The following BRMS1L variants were observed in gnomAD, a reference collection of about 807,000 sequenced individuals.
The protein encoded by BRMS1L is breast cancer metastasis-suppressor 1-like protein.
Under a neutral mutation model 50.3 loss-of-function variants are expected in BRMS1L, and 23 were observed. The ratio of observed to expected loss-of-function variants is 0.46; its 90% CI spans 0.33 to 0.65. The LOEUF is 0.65. Among genes scored for constraint, BRMS1L ranks in the 30% least tolerant of loss-of-function variants. BRMS1L has a pLI of 0.02. For missense variants in BRMS1L, 286 were observed against 386.1 expected (o/e 0.74, Z 2.17); for synonymous variants, 114 against 126.9 (o/e 0.90, Z 0.69).
chr14:35,864,884 A>G (rs2078401379), intron 6 of BRMS1L, 51 bp from the exon 7 acceptor site: 8 of 1,233,366 alleles, frequency 6.5e-6, no homozygotes, highest in Non-Finnish European at 9.3e-6. Context: ...CTTTGGAAAT[A>G]TAATTCAAAG....
chr14:35,842,271 T>C (rs1432360548), intron 4 of BRMS1L, among the ~76,000 whole-genome samples: 3 of 152,162 alleles, frequency 2.0e-5, no homozygotes, highest in Non-Finnish European at 4.4e-5. Context: ...CTTCATAGCG[T>C]TGATGGTCTT....
At chr14:35,865,639 G>A in intron 7 of BRMS1L, 83 bp from the exon 8 acceptor site, 1 of 1,024,494 alleles carries the variant, frequency 9.8e-7, no homozygotes, top group African/African-American at 1.6e-5. Context: ...CGGTAATATT[G>A]TATATATTAA....
At chr14:35,847,913 A>G (rs1445091952) in intron 4 of BRMS1L, among the ~76,000 whole-genome samples, 1 of 152,196 alleles carries the variant, frequency 6.6e-6, no homozygotes, top group Admixed American at 6.5e-5. Context: ...ATAATATTCT[A>G]TTGTATGTAT....
At chr14:35,855,011 C>T (rs1371132391) in intron 4 of BRMS1L, among the ~76,000 whole-genome samples, 1 of 152,248 alleles carries the variant, frequency 6.6e-6, no homozygotes, top group East Asian at 1.9e-4. Context: ...AGACATATTT[C>T]CCTCAGGTGG....
chr14:35,865,785 G>T, intron 8 of BRMS1L, 24 bp downstream of exon 8: 1 of 1,596,446 alleles, frequency 6.3e-7, no homozygotes, highest in Non-Finnish European at 8.5e-7. Context: ...TCTGAGTTGG[G>T]AAATATTCTC....
At chr14:35,863,067 C>T (rs920164564) in intron 5 of BRMS1L, among the ~76,000 whole-genome samples, 19 of 151,490 alleles carry the variant, frequency 1.3e-4, no homozygotes, top group African/African-American at 3.6e-4. Context: ...GCCATGATGG[C>T]GCCACTGCAC....
rs2078478125 is a variant in BRMS1L, at chr14:35,870,525, G to T, written c.*48G>T. Reference sequence around the variant, plus strand: ...ATTTACCTTATTAGTGTTACCAAATGTAAGTGCCATGAGAGTAAAAAAATG... The same window carrying T: ...ATTTACCTTATTAGTGTTACCAAATTTAAGTGCCATGAGAGTAAAAAAATG... On this transcript the variant is annotated 3_prime_UTR_variant, in exon 10 of 10. Coordinates refer to ENST00000216807, the MANE Select transcript of BRMS1L (RefSeq NM_032352.4). The T allele has an allele frequency of 1.7e-6, 2 of 1,167,648 alleles. No homozygotes were observed. Among genetic ancestry groups the T allele is most frequent in the Non-Finnish European group, 2.5e-6 (2 of 797,032 alleles). The allele number at this position is 1,167,648 out of a possible 1,614,324, so 72.3% of individuals were successfully genotyped here.
chr14:35,864,511 C>T (rs562732853), intron 6 of BRMS1L, among the ~76,000 whole-genome samples: 2 of 152,250 alleles, frequency 1.3e-5, no homozygotes, highest in African/African-American at 4.8e-5. Context: ...GCATTGGCCT[C>T]CCAAAGTGCT....
Position 35,827,564 on chromosome 14 carries a change from G to A in BRMS1L, c.142+906G>A, listed in dbSNP as rs546535150. On this transcript the variant is annotated intron_variant, in intron 1 of 9. Coordinates refer to ENST00000216807, the MANE Select transcript of BRMS1L (RefSeq NM_032352.4). ...CCTCTTTTCATGTTTCCCTTGCAAA[G>A]CAAATCTCCATGGAAGGATATAATT... is the stretch of plus-strand genomic sequence containing the variant. Among the ~76,000 whole-genome samples the A allele has an allele frequency of 2.0e-5, 3 of 152,264 alleles. No individual in the cohort carries two copies. In the East Asian group the frequency reaches 5.8e-4, roughly 29 times the overall value.
intron 4 of BRMS1L, among the ~76,000 whole-genome samples, chr14:35,854,998 GAC>G (rs1266184267): frequency 2.0e-5 from 3 of 152,362 alleles, no homozygotes; most frequent in African/African-American, 7.2e-5. Flanking sequence ...CCTAGGCAGA[GAC>G]AGACATATTT....
At chr14:35,833,405 G>A (rs2077951117) in intron 3 of BRMS1L, among the ~76,000 whole-genome samples, 1 of 151,812 alleles carries the variant, frequency 6.6e-6, no homozygotes, top group Non-Finnish European at 1.5e-5. Flanking sequence ...AAGAGAGACT[G>A]TTACTATCAC....
chr14:35,871,911 A>G lies in BRMS1L; in HGVS notation c.*1434A>G, dbSNP rs2078496391. 1 of 152,496 alleles carries G rather than the reference A, an allele frequency of 6.6e-6. No homozygotes were observed. Among genetic ancestry groups the G allele is most frequent in the African/African-American group, 2.4e-5 (1 of 41,466 alleles). The allele number at this position is 152,496 out of a possible 1,614,324, so 9.4% of individuals were successfully genotyped here. On this transcript the variant is annotated 3_prime_UTR_variant, in exon 10 of 10. Transcript: ENST00000216807. ...ACAATGTTTGATAAGCATTTTTAAT[A>G]AGATTTGTATTTTTAAATTTAGTAT...
At chr14:35,867,803 T>C in intron 8 of BRMS1L, 103 bp from the exon 9 acceptor site, 1 of 1,152,292 alleles carries the variant, frequency 8.7e-7, no homozygotes, top group Non-Finnish European at 1.1e-6. Flanking sequence ...TTTTTAGGCC[T>C]TTTTTACATA....
intron 7 of BRMS1L, 102 bp downstream of exon 7, chr14:35,865,101 C>A (rs576157714): frequency 3.5e-6 from 3 of 868,534 alleles, no homozygotes; most frequent in Non-Finnish European, 5.1e-6. Flanking sequence ...TGTAAATATG[C>A]TTTGCTTTTG....
chr14:35,848,426 C>T (rs2078165622), intron 4 of BRMS1L, among the ~76,000 whole-genome samples: 1 of 152,234 alleles, frequency 6.6e-6, no homozygotes, highest in Non-Finnish European at 1.5e-5. Context: ...GCCTTGAACT[C>T]TTGGCCTTAA....
rs1767936667 is a variant in BRMS1L at position 35,826,377 on chromosome 14, C to T, written c.-140C>T. ...AGAGCCTGCGGGTTAGGTTGTGAGG[C>T]CCGGGCCGGGGGCGGGGAGGAGCCA... On this transcript the variant is annotated 5_prime_UTR_variant, in exon 1 of 10. Transcript: ENST00000216807. 1 of 1,304,790 alleles carries T rather than the reference C, an allele frequency of 7.7e-7. No individual in the cohort carries two copies. The highest frequency in any genetic ancestry group is 1.5e-5 in the African/African-American group (1 of 67,840). The allele number at this position is 1,304,790 out of a possible 1,614,324, so 80.8% of individuals were successfully genotyped here.
rs144015451 is a variant in BRMS1L, at chr14:35,863,865, G to C, written c.539-5G>C. ...ACTAATACTTAATCTTTATTTACCTGCCAGAGCTGTGGAATGATGAGCTTC... is the reference window on the plus strand; with the variant it reads ...ACTAATACTTAATCTTTATTTACCTCCCAGAGCTGTGGAATGATGAGCTTC... On this transcript the variant is annotated splice_region_variant and splice_polypyrimidine_tract_variant and intron_variant, in intron 5 of 9. Coordinates refer to ENST00000216807, the MANE Select transcript of BRMS1L (RefSeq NM_032352.4). 4.5e-4 allele frequency: 729 copies of C among 1,613,138 alleles called. No homozygotes were observed. In the African/African-American group the frequency reaches 5.4e-3, roughly 12 times the overall value.
chr14:35,826,388 G>A lies in BRMS1L; in HGVS notation c.-129G>A. On this transcript the variant is annotated 5_prime_UTR_variant, in exon 1 of 10. Coordinates refer to ENST00000216807, the MANE Select transcript of BRMS1L (RefSeq NM_032352.4). ...GTTAGGTTGTGAGGCCCGGGCCGGG[G>A]GCGGGGAGGAGCCAAGGGGGCGAGC... The A allele has an allele frequency of 2.9e-6, 4 of 1,388,448 alleles. No homozygotes were observed. In the South Asian group the frequency reaches 5.1e-5, roughly 18 times the overall value. 86.0% of individuals were successfully genotyped at this position (1,388,448 alleles called of 1,614,324 possible).
intron 8 of BRMS1L, 23 bp from the exon 9 acceptor site, chr14:35,867,883 A>G (rs1314945352): frequency 1.3e-6 from 2 of 1,549,794 alleles, no homozygotes; most frequent in Non-Finnish European, 8.6e-7. Flanking sequence ...TTAATATAAC[A>G]GTTTTTGAAC....
Sources: gnomAD v4.1 joint callset for allele counts (sites outside exome capture counted in the v4.1 genomes callset) on GRCh38, gnomAD v4.1.1 for gene constraint, MANE v1.5 for transcripts, NCBI Gene and HGNC (gene_info 2026-07-23, HGNC 2026-07-21) for gene names.